Variants in ZMAT4 observed in about 807,000 individuals in gnomAD.
ZMAT4 encodes the protein zinc finger matrin-type protein 4.
In ZMAT4, 17 loss-of-function variants were observed where a neutral mutation model predicts 28.7. The observed-to-expected ratio is 0.59, with a 90% CI of 0.41 to 0.89. The LOEUF (loss-of-function observed/expected upper bound fraction) is 0.89, where lower values mean the gene tolerates loss of function less well. Ranked by LOEUF, ZMAT4 falls within the 40% of genes least tolerant of loss-of-function variation. The pLI is 0.00. For synonymous variants in ZMAT4, 117 were observed against 109.2 expected (o/e 1.07, Z -0.44); for missense variants, 240 against 283.8 (o/e 0.85, Z 1.11).
At chr8:40,701,899 T>A (rs1353818771) in intron 3 of ZMAT4, among the ~76,000 whole-genome samples, 10 of 152,142 alleles carry the variant, frequency 6.6e-5, no homozygotes. Flanking sequence ...GATTATATCA[T>A]CTGCTATGGT....
At chr8:40,741,404 G>C (rs552282869) in intron 3 of ZMAT4, among the ~76,000 whole-genome samples, 1 of 149,158 alleles carries the variant, frequency 6.7e-6, no homozygotes, top group South Asian at 2.1e-4. Context: ...CCTAAATTGC[G>C]CTACTTCACT....
intron 3 of ZMAT4, among the ~76,000 whole-genome samples, chr8:40,765,108 A>G (rs1813095981): frequency 6.6e-6 from 1 of 152,168 alleles, no homozygotes; most frequent in Non-Finnish European, 1.5e-5. Flanking sequence ...CCGGGTTTAC[A>G]GGTGTGAGCC....
chr8:40,665,224 A>AC (rs1285413419), intron 5 of ZMAT4, among the ~76,000 whole-genome samples: 7 of 144,162 alleles, frequency 4.9e-5, no homozygotes, highest in Non-Finnish European at 9.1e-5. Context: ...ACAACAACAA[A>AC]AAAACACACA....
intron 1 of ZMAT4, among the ~76,000 whole-genome samples, 179 bp downstream of exon 1, chr8:40,897,504 G>A (rs1818918120): frequency 6.6e-6 from 1 of 152,176 alleles, no homozygotes; most frequent in Admixed American, 6.5e-5. Flanking sequence ...TCTTGCCAGC[G>A]CAGAAGTTTC....
chr8:40,886,920 C>T (rs1008277385), intron 1 of ZMAT4, among the ~76,000 whole-genome samples: 2 of 151,642 alleles, frequency 1.3e-5, no homozygotes, highest in Non-Finnish European at 2.9e-5. Context: ...GCCTATAATC[C>T]CAGCACTTTG....
chr8:40,584,483 TA>T (rs1804598347), intron 5 of ZMAT4, among the ~76,000 whole-genome samples: 1 of 152,284 alleles, frequency 6.6e-6, no homozygotes, highest in Non-Finnish European at 1.5e-5. Flanking sequence ...AATTAAGGAA[TA>T]CAGAATTTAT....
chr8:40,555,838 A>G (rs2118441726), intron 6 of ZMAT4, among the ~76,000 whole-genome samples: 1 of 152,276 alleles, frequency 6.6e-6, no homozygotes, highest in South Asian at 2.1e-4. Flanking sequence ...ACTCACAGAC[A>G]GGATTCTCCC....
At chr8:40,788,593 C>G (rs1814186346) in intron 2 of ZMAT4, among the ~76,000 whole-genome samples, 1 of 152,034 alleles carries the variant, frequency 6.6e-6, no homozygotes, top group Non-Finnish European at 1.5e-5. Flanking sequence ...TGGTTAAAAT[C>G]TTTTCACAAA....
In ZMAT4 at chr8:40,695,493, A is replaced by G. The variant is rs557129820; in HGVS notation, c.349+1752T>C. ...CCTGAGCCATAGCTTTCGGTGCACC[A>G]CACCCTATTCGTTCCCTTCTTGCCT... On this transcript the variant is annotated intron_variant, in intron 4 of 6. Transcript: ENST00000297737. Among the ~76,000 whole-genome samples the G allele has an allele frequency of 3.3e-5, 5 of 152,202 alleles. No individual in the cohort carries two copies. In the South Asian group the frequency reaches 1.0e-3, roughly 31 times the overall value.
At chr8:40,866,131 A>C (rs1817669767) in intron 1 of ZMAT4, among the ~76,000 whole-genome samples, 1 of 152,226 alleles carries the variant, frequency 6.6e-6, no homozygotes, top group African/African-American at 2.4e-5. Context: ...CCTAGAAAGA[A>C]AGTGATTCCT....
intron 3 of ZMAT4, among the ~76,000 whole-genome samples, chr8:40,758,398 ATG>A (rs1379354263): frequency 2.6e-5 from 4 of 152,330 alleles, no homozygotes; most frequent in East Asian, 3.9e-4. Context: ...ATTAGTCACC[ATG>A]ACTCTTTTCA....
intron 6 of ZMAT4, among the ~76,000 whole-genome samples, chr8:40,568,598 A>G (rs1352185937): frequency 6.6e-6 from 1 of 152,154 alleles, no homozygotes; most frequent in African/African-American, 2.4e-5. Flanking sequence ...CTCGGGGCCC[A>G]TTTAGTACTT....
At chr8:40,716,243 G>T (rs984620758) in intron 3 of ZMAT4, among the ~76,000 whole-genome samples, 4 of 111,532 alleles carry the variant, frequency 3.6e-5, no homozygotes, top group African/African-American at 1.6e-4. Flanking sequence ...GAGCTTGCTG[G>T]ACATGCAAAT....
intron 2 of ZMAT4, among the ~76,000 whole-genome samples, chr8:40,820,207 T>A (rs1815702153): frequency 6.6e-6 from 1 of 151,472 alleles, no homozygotes; most frequent in Admixed American, 6.6e-5. Context: ...TATGTGTGTG[T>A]TTATGTGTGC....
intron 5 of ZMAT4, among the ~76,000 whole-genome samples, chr8:40,591,357 C>T (rs1355488349): frequency 6.6e-6 from 1 of 152,200 alleles, no homozygotes; most frequent in Non-Finnish European, 1.5e-5. Context: ...GTACCTCCAG[C>T]TCCCACTGCA....
intron 2 of ZMAT4, among the ~76,000 whole-genome samples, chr8:40,824,395 T>A (rs1451569733): frequency 6.6e-6 from 1 of 152,070 alleles, no homozygotes; most frequent in Non-Finnish European, 1.5e-5. Context: ...CAGTGAGCTA[T>A]GCTCGTGCCA....
At chr8:40,655,717 C>T (rs1807890495) in intron 5 of ZMAT4, among the ~76,000 whole-genome samples, 1 of 152,016 alleles carries the variant, frequency 6.6e-6, no homozygotes, top group African/African-American at 2.4e-5. Flanking sequence ...GAAGTCTTTT[C>T]AACAAATGGT....
chr8:40,833,151 C>A (rs1251553075), intron 1 of ZMAT4, among the ~76,000 whole-genome samples: 1 of 152,154 alleles, frequency 6.6e-6, no homozygotes, highest in Non-Finnish European at 1.5e-5. Context: ...GGGCTGGAAG[C>A]AGGGTCTGTC....
rs1805840312 is a variant in ZMAT4 at position 40,612,630 on chromosome 8, A to T, written c.578-31369T>A. On this transcript the variant is annotated intron_variant, in intron 5 of 6. Transcript: ENST00000297737. Reference sequence around the variant, plus strand: ...GGTTTTCCTGCTAAGTTCCAGACTCATATATCCAACGAATACCTGATATCT... The same window carrying T: ...GGTTTTCCTGCTAAGTTCCAGACTCTTATATCCAACGAATACCTGATATCT... 1.5e-5 allele frequency among the ~76,000 whole-genome samples: 2 copies of T among 136,822 alleles called. 1 individual carries two copies. Among genetic ancestry groups the T allele is most frequent in the Admixed American group, 1.5e-4 (2 of 13,566 alleles). The allele number at this position is 136,822 out of a possible 152,430, so 89.8% of individuals were successfully genotyped here.
Sources: allele counts gnomAD v4.1 joint callset (sites outside exome capture counted in the v4.1 genomes callset), GRCh38; gene constraint gnomAD v4.1.1; transcripts MANE v1.5; gene names NCBI Gene and HGNC (gene_info 2026-07-23, HGNC 2026-07-21).